The following FGD1 variants were observed in gnomAD, a reference collection of about 807,000 sequenced individuals.
FGD1 encodes the protein FYVE, RhoGEF and PH domain-containing protein 1.
Under a neutral mutation model 65.0 loss-of-function variants are expected in FGD1, and 12 were observed. That is an observed-to-expected ratio of 0.18 (90% CI 0.12 to 0.30). The LOEUF (loss-of-function observed/expected upper bound fraction) is 0.30, where lower values mean the gene tolerates loss of function less well. Ranked by LOEUF, FGD1 falls within the 10% of genes least tolerant of loss-of-function variation. The pLI, the probability that FGD1 is intolerant of heterozygous loss-of-function variation, is 1.00. For synonymous variants in FGD1, 333 were observed against 343.9 expected (o/e 0.97, Z 0.35); for missense variants, 542 against 837.6 (o/e 0.65, Z 4.36).
Position 54,446,193 on chromosome X carries a change from G to A in FGD1, c.2802C>T (p.Asp934=), listed in dbSNP as rs1922164648. The change falls in exon 18 of 18, where the codon GAC becomes GAT. Residue 934 remains aspartate (D), a synonymous_variant. Coordinates refer to ENST00000375135, the MANE Select transcript of FGD1 (RefSeq NM_004463.3). Reference sequence around the variant, plus strand: ...CCACCGGTGCCTCCTCCATCTCCCTGTCCTCAGACAGTGTGGGCCCCGGGC... The same window carrying A: ...CCACCGGTGCCTCCTCCATCTCCCTATCCTCAGACAGTGTGGGCCCCGGGC... ...TFCPGPTLSE[D]REMEEAPVAA... is the part of the protein sequence containing the mutation. The A allele has an allele frequency of 5.8e-6, 7 of 1,211,519 alleles. No individual in the cohort carries two copies. The highest frequency in any genetic ancestry group is 7.8e-6 in the Non-Finnish European group (7 of 895,253).
chrX:54,473,573 C>CA lies in FGD1; in HGVS notation c.308-2087dup, dbSNP rs1922945462. Among the ~76,000 whole-genome samples the CA allele has an allele frequency of 2.7e-5, 3 of 112,150 alleles. No individual in the cohort carries two copies. The Admixed American group carries it at 2.9e-4, about 11-fold the overall frequency. ...TGATCGAAATGTTTGGAAAAAAAGA[C>CA]AAAAAATAACAATACAACAATAAAA... On this transcript the variant is annotated intron_variant, in intron 1 of 17. Transcript: ENST00000375135.
rs1031753391 is a variant in FGD1, at chrX:54,452,454, A to G, written c.2016-2153T>C. On this transcript the variant is annotated intron_variant, in intron 12 of 17. Transcript: ENST00000375135. ...GTTGTACACCCTGATACACACATTA[A>G]AATCACCTAGGGACCAGGCGTGGTG... is the stretch of plus-strand genomic sequence containing the variant. 3.6e-5 allele frequency among the ~76,000 whole-genome samples: 4 copies of G among 109,794 alleles called. No homozygotes were observed. The East Asian group carries it at 1.1e-3, about 31-fold the overall frequency.
Position 54,448,878 on chromosome X carries a change from G to A in FGD1, c.2364C>T (p.Ala788=). Residue 788 remains alanine (A), a synonymous_variant, in exon 16 of 18, where the codon GCC becomes GCT. Transcript: ENST00000375135. ...GACTGCTCCCAGGCACCCCGTGCAA[G>A]GCCACATAGCAATCAGTGCACACAC... ...SNRVCTDCYV[A]LHGVPGSSPA... 8.3e-7 allele frequency: 1 copy of A among 1,211,827 alleles called. No individual in the cohort carries two copies. Among genetic ancestry groups the A allele is most frequent in the Non-Finnish European group, 1.1e-6 (1 of 895,373 alleles).
intron 8 of FGD1, among the ~76,000 whole-genome samples, chrX:54,461,556 G>A (rs1455548060): frequency 1.1e-5 from 1 of 92,770 alleles, no homozygotes; most frequent in Non-Finnish European, 2.1e-5. Flanking sequence ...AGCCGAGATC[G>A]CGCCACTGCA....
intron 1 of FGD1, among the ~76,000 whole-genome samples, chrX:54,482,662 G>A (rs1423144384): frequency 7.2e-5 from 8 of 111,886 alleles, no homozygotes; most frequent in Non-Finnish European, 9.4e-5. Context: ...TCTGAGAGTT[G>A]GAGACACAGA....
intron 12 of FGD1, among the ~76,000 whole-genome samples, chrX:54,450,980 C>T (rs773531225): frequency 3.6e-5 from 4 of 110,134 alleles, no homozygotes; most frequent in Admixed American, 9.7e-5. Flanking sequence ...GCCCAGGAGG[C>T]GGAGGTTGCA....
chrX:54,466,341 TA>T (rs61485433), intron 6 of FGD1, among the ~76,000 whole-genome samples: 12,444 of 111,098 alleles, frequency 0.11, 728 homozygotes, highest in East Asian at 0.48. Context: ...TGGGGAGATA[TA>T]GGAACCAGGC....
chrX:54,462,060 G>A (rs1352634710), intron 8 of FGD1, among the ~76,000 whole-genome samples: 1 of 110,771 alleles, frequency 9.0e-6, no homozygotes, highest in Non-Finnish European at 1.9e-5. Flanking sequence ...CCAGTGTTGG[G>A]ATCTATAACT....
In FGD1 at chrX:54,450,259, C is replaced by G; in HGVS notation, c.2046+12G>C. 2 of 1,207,556 alleles carry G rather than the reference C, an allele frequency of 1.7e-6. No homozygotes were observed. Among genetic ancestry groups the G allele is most frequent in the Non-Finnish European group, 2.2e-6 (2 of 891,733 alleles). ...CTCTTCTAGCCCCCTACCACAGAGCCTTGGATGTTACCTGGACCCAGTCTT... is the reference window on the plus strand; with the variant it reads ...CTCTTCTAGCCCCCTACCACAGAGCGTTGGATGTTACCTGGACCCAGTCTT... On this transcript the variant is annotated intron_variant, in intron 13 of 17. Transcript: ENST00000375135.
chrX:54,464,054 C>T (rs192925783), intron 8 of FGD1, among the ~76,000 whole-genome samples: 10 of 109,767 alleles, frequency 9.1e-5, no homozygotes, highest in Non-Finnish European at 1.7e-4. Flanking sequence ...CTCTGCCTCC[C>T]GAGTTCGAGT....
At chrX:54,464,596 T>C (rs1262210753) in intron 8 of FGD1, among the ~76,000 whole-genome samples, 2 of 110,707 alleles carry the variant, frequency 1.8e-5, no homozygotes, top group African/African-American at 3.3e-5. Context: ...GTTAAACTAA[T>C]GAATGAATGA....
At chrX:54,451,536 T>C (rs10481850) in intron 12 of FGD1, among the ~76,000 whole-genome samples, 155 of 108,840 alleles carry the variant, frequency 1.4e-3, no homozygotes, top group Non-Finnish European at 1.7e-3. Context: ...CCACCCGCCT[T>C]GGCCTCCCAA....
At chrX:54,460,904 G>A (rs960351181) in intron 8 of FGD1, among the ~76,000 whole-genome samples, 2 of 112,273 alleles carry the variant, frequency 1.8e-5, no homozygotes, top group South Asian at 3.7e-4. Flanking sequence ...CATTGTGCTA[G>A]GAGCTTTACC....
chrX:54,482,267 C>CACACAA (rs1923166402), intron 1 of FGD1, among the ~76,000 whole-genome samples: 1 of 111,923 alleles, frequency 8.9e-6, no homozygotes. Context: ...CACACACACA[C>CACACAA]AGACAAACCA....
At chrX:54,451,378 A>G (rs1039454605) in intron 12 of FGD1, among the ~76,000 whole-genome samples, 3 of 107,649 alleles carry the variant, frequency 2.8e-5, no homozygotes, top group African/African-American at 1.0e-4. Flanking sequence ...TCCGCCTTCC[A>G]GATTCAAGCC....
intron 6 of FGD1, among the ~76,000 whole-genome samples, chrX:54,466,629 G>GCT (rs1438436773): frequency 2.7e-5 from 3 of 111,657 alleles, no homozygotes; most frequent in Non-Finnish European, 5.6e-5. Context: ...TCCAAGCTAG[G>GCT]CTTGGTCCAT....
In FGD1 at chrX:54,495,205, G is replaced by C; in HGVS notation, c.228C>G (p.Val76=). 8.4e-7 allele frequency: 1 copy of C among 1,190,309 alleles called. No homozygotes were observed. Among genetic ancestry groups the C allele is most frequent in the Non-Finnish European group, 1.1e-6 (1 of 885,360 alleles). ...GCTGTGGACTGGGACCGCAGGGCAAGACCCGGTGGCCTGGAGCAGCGCCCA... is the reference window on the plus strand; with the variant it reads ...GCTGTGGACTGGGACCGCAGGGCAACACCCGGTGGCCTGGAGCAGCGCCCA... ...TSLGAAPGHR[V]LPCGPSPQHH... Residue 76 remains valine, a synonymous_variant, in exon 1 of 18, where the codon GTC becomes GTG. Coordinates refer to ENST00000375135, the MANE Select transcript of FGD1 (RefSeq NM_004463.3).
intron 1 of FGD1, among the ~76,000 whole-genome samples, chrX:54,483,024 C>T (rs1336976652): frequency 9.0e-6 from 1 of 111,710 alleles, no homozygotes; most frequent in East Asian, 2.8e-4. Flanking sequence ...ATGAGAAAAC[C>T]GAGGCTCAGA....
chrX:54,468,480 G>A (rs949537348), intron 5 of FGD1, among the ~76,000 whole-genome samples: 1 of 111,692 alleles, frequency 9.0e-6, no homozygotes, highest in Admixed American at 9.5e-5. Flanking sequence ...GCCAGGGTTA[G>A]AATGAAGTTC....
Sources: allele counts gnomAD v4.1 joint callset (sites outside exome capture counted in the v4.1 genomes callset), GRCh38; gene constraint gnomAD v4.1.1; transcripts MANE v1.5; gene names NCBI Gene and HGNC (gene_info 2026-07-23, HGNC 2026-07-21).